CLASP2: variants seen among roughly 807,000 people sequenced by gnomAD.
The protein encoded by CLASP2 is cytoplasmic linker associated protein 2.
CLASP2 carries 47 observed loss-of-function variants against 194.4 expected under a neutral mutation model. The ratio of observed to expected loss-of-function variants is 0.24; its 90% confidence interval spans 0.19 to 0.31. The LOEUF (loss-of-function observed/expected upper bound fraction) is 0.31. Ranked by LOEUF, CLASP2 falls within the 10% of genes least tolerant of loss-of-function variation. The pLI, the probability that CLASP2 is intolerant of heterozygous loss-of-function variation, is 1.00. For synonymous variants in CLASP2, 619 were observed against 633.5 expected, an observed-to-expected ratio of 0.98 and a Z score of 0.34; for missense variants, 1,445 against 1,823.6, an observed-to-expected ratio of 0.79 and a Z score of 3.78.
intron 3 of CLASP2, among the ~76,000 whole-genome samples, 194 bp from the exon 4 acceptor site, chr3:33,688,562 TAA>T (rs1347699494): frequency 1.3e-5 from 2 of 152,234 alleles, no homozygotes; most frequent in African/African-American, 4.8e-5. Context: ...TTTATTACCT[TAA>T]TCACATTTTA....
chr3:33,691,734 T>C (rs1334222632), intron 2 of CLASP2, among the ~76,000 whole-genome samples: 3 of 152,242 alleles, frequency 2.0e-5, no homozygotes, highest in Non-Finnish European at 4.4e-5. Flanking sequence ...GATATTATTA[T>C]GCACTAACCA....
At chr3:33,645,583 A>G (rs1388326866) in intron 7 of CLASP2, 2 of 413,412 alleles carry the variant, frequency 4.8e-6, no homozygotes, top group Non-Finnish European at 8.5e-6. Context: ...AAAATTCTCT[A>G]TTAGCTATAA....
At chr3:33,628,112 C>G (rs2154289271) in intron 9 of CLASP2, among the ~76,000 whole-genome samples, 1 of 152,240 alleles carries the variant, frequency 6.6e-6, no homozygotes, top group African/African-American at 2.4e-5. Context: ...CTTTCACTTT[C>G]AACAGCTATT....
At chr3:33,683,894 T>A (rs1200204398) in intron 6 of CLASP2, among the ~76,000 whole-genome samples, 1 of 144,400 alleles carries the variant, frequency 6.9e-6, no homozygotes, top group South Asian at 2.2e-4. Context: ...GAGCCAAGAT[T>A]GTGCTACTGC....
At chr3:33,632,833 A>G (rs1251981159) in intron 8 of CLASP2, among the ~76,000 whole-genome samples, 1 of 152,236 alleles carries the variant, frequency 6.6e-6, no homozygotes, top group African/African-American at 2.4e-5. Context: ...ATTATTGCAC[A>G]TTGACAATAA....
chr3:33,708,516 G>A (rs538564247), intron 1 of CLASP2, among the ~76,000 whole-genome samples: 8 of 106,620 alleles, frequency 7.5e-5, no homozygotes, highest in African/African-American at 1.2e-4. Flanking sequence ...GTATATATAT[G>A]TATATATGTA....
At position 33,581,028 on chromosome 3, in the gene CLASP2, AAAAG is replaced by A. The variant is rs934005056; in HGVS notation, c.2347+789_2347+792del. 1.8e-4 allele frequency among the ~76,000 whole-genome samples: 27 copies of A among 150,164 alleles called. 1 individual carries two copies. The highest frequency in any genetic ancestry group is 5.6e-4 in the African/African-American group (23 of 41,122). On this transcript the variant is annotated intron_variant, in intron 23 of 38. Transcript: ENST00000682230. ...GAGACTCCGTCTCAAAAAAAAAAAA[AAAAG>A]AAAGAAAGAAAAAAAAGAAAAAGAA... is the stretch of plus-strand genomic sequence containing the variant.
chr3:33,713,426 C>T (rs1165682096), intron 1 of CLASP2, among the ~76,000 whole-genome samples: 1 of 152,018 alleles, frequency 6.6e-6, no homozygotes, highest in East Asian at 1.9e-4. Context: ...TGGATGTTCA[C>T]CTATATGGCA....
At chr3:33,515,648 CAACA>C (rs1254600858) in intron 36 of CLASP2, among the ~76,000 whole-genome samples, 2 of 152,056 alleles carry the variant, frequency 1.3e-5, no homozygotes, top group South Asian at 4.2e-4. Flanking sequence ...GATCCTGATT[CAACA>C]AACAAACAAC....
At chr3:33,669,263 C>A (rs2086726451) in intron 6 of CLASP2, among the ~76,000 whole-genome samples, 1 of 152,000 alleles carries the variant, frequency 6.6e-6, no homozygotes, top group Admixed American at 6.5e-5. Flanking sequence ...CATTTGCCAA[C>A]AAACAAACAA....
intron 1 of CLASP2, among the ~76,000 whole-genome samples, chr3:33,701,022 T>C (rs2092339578): frequency 6.6e-6 from 1 of 152,066 alleles, no homozygotes; most frequent in Admixed American, 6.6e-5. Context: ...CTAATGAAAG[T>C]GATAGAAAAA....
intron 38 of CLASP2, among the ~76,000 whole-genome samples, chr3:33,499,347 C>A (rs1400660573): frequency 2.1e-4 from 29 of 138,518 alleles, no homozygotes; most frequent in African/African-American, 8.2e-4. Context: ...CAGTCTAGGG[C>A]AGTTCTTTTT....
At chr3:33,552,001 TCCA>T (rs2060080830) in intron 29 of CLASP2, among the ~76,000 whole-genome samples, 1 of 151,114 alleles carries the variant, frequency 6.6e-6, no homozygotes, top group Admixed American at 6.6e-5. Context: ...CCTTAATGAG[TCCA>T]CCAGTTGTTA....
At chr3:33,660,340 C>A (rs1455707795) in intron 7 of CLASP2, among the ~76,000 whole-genome samples, 1 of 152,176 alleles carries the variant, frequency 6.6e-6, no homozygotes, top group South Asian at 2.1e-4. Context: ...CTTCTAACAG[C>A]AGAGCTAATT....
At chr3:33,520,861 ACACT>A (rs1303838726) in intron 34 of CLASP2, among the ~76,000 whole-genome samples, 1 of 134,362 alleles carries the variant, frequency 7.4e-6, no homozygotes, top group Non-Finnish European at 1.6e-5. Flanking sequence ...ACACACACAC[ACACT>A]CCCTAGCTCT....
intron 24 of CLASP2, chr3:33,574,553 A>C: frequency 9.2e-7 from 1 of 1,085,680 alleles, no homozygotes; most frequent in South Asian, 1.4e-5. Flanking sequence ...ACATTTTGCT[A>C]ATCAGCACAG....
intron 1 of CLASP2, among the ~76,000 whole-genome samples, chr3:33,711,872 A>G (rs2093030101): frequency 6.6e-6 from 1 of 152,186 alleles, no homozygotes; most frequent in South Asian, 2.1e-4. Context: ...GAGTCAAAAA[A>G]CAATGGATGT....
At chr3:33,662,321 C>A (rs1024783161) in intron 7 of CLASP2, among the ~76,000 whole-genome samples, 1 of 152,134 alleles carries the variant, frequency 6.6e-6, no homozygotes, top group Non-Finnish European at 1.5e-5. Context: ...GTTATGAAAA[C>A]ACACAAGTTC....
intron 34 of CLASP2, among the ~76,000 whole-genome samples, chr3:33,534,097 C>T (rs1298400760): frequency 6.6e-6 from 1 of 152,036 alleles, no homozygotes; most frequent in Non-Finnish European, 1.5e-5. Flanking sequence ...TGTTCACTGA[C>T]AGCAACATTA....
Sources: gnomAD v4.1 joint callset for allele counts (sites outside exome capture counted in the v4.1 genomes callset) on GRCh38, gnomAD v4.1.1 for gene constraint, MANE v1.5 for transcripts, NCBI Gene and HGNC (gene_info 2026-07-23, HGNC 2026-07-21) for gene names.